TRAPPC13: variants seen among roughly 807,000 people sequenced by gnomAD.
TRAPPC13 encodes REV7-interacting novel NHEJ regulator 1.
Under a neutral mutation model 54.0 loss-of-function variants are expected in TRAPPC13, and 39 were observed. That is an observed-to-expected ratio of 0.72 (90% CI 0.56 to 0.94). The LOEUF is 0.94. TRAPPC13 is among the 40% of genes least tolerant of loss of function. TRAPPC13 has a pLI of 0.00. For synonymous variants in TRAPPC13, 148 were observed against 167.7 expected (o/e 0.88, Z 0.91); for missense variants, 386 against 488.1 (o/e 0.79, Z 1.97).
At chr5:65,638,458 G>T (rs1396082976) in intron 4 of TRAPPC13, among the ~76,000 whole-genome samples, 1 of 152,186 alleles carries the variant, frequency 6.6e-6, no homozygotes. Context: ...GAAAGAATGG[G>T]AGGATACAGA....
rs192583094 is a variant in TRAPPC13 at position 65,629,810 on chromosome 5, T to A, written c.46+4704T>A. Reference sequence around the variant, plus strand: ...AGATGTGAAACAGTACTTAACCATTTCAGAACATGATGCTAAGTCACACAG... The same window carrying A: ...AGATGTGAAACAGTACTTAACCATTACAGAACATGATGCTAAGTCACACAG... On this transcript the variant is annotated intron_variant, in intron 1 of 12. Coordinates refer to ENST00000399438, the MANE Select transcript of TRAPPC13 (RefSeq NM_024941.4). 5.2e-6 allele frequency: 8 copies of A among 1,536,084 alleles called. No homozygotes were observed. The Admixed American group carries it at 1.2e-4, about 23-fold the overall frequency.
In TRAPPC13 at chr5:65,635,972, T is replaced by G. The variant is rs1364813541; in HGVS notation, c.144T>G (p.Asp48Glu). 2 of 1,599,728 alleles carry G rather than the reference T, an allele frequency of 1.3e-6. No individual in the cohort carries two copies. Among genetic ancestry groups the G allele is most frequent in the Admixed American group, 3.4e-5 (2 of 58,104 alleles). The change falls in exon 3 of 13, where the codon GAT becomes GAG. Residue 48 changes from aspartate to glutamate, a missense_variant. Coordinates refer to ENST00000399438, the MANE Select transcript of TRAPPC13 (RefSeq NM_024941.4). Reference sequence around the variant, plus strand: ...ATCTCTTTAACCAGCTGATGAGAGATGATCCTTCAACCGTTAATGGTGCAG... The same window carrying G: ...ATCTCTTTAACCAGCTGATGAGAGAGGATCCTTCAACCGTTAATGGTGCAG... ...PGDLFNQLMRDDPSTVNGAEV... is the reference protein window; with the variant it reads ...PGDLFNQLMREDPSTVNGAEV...
chr5:65,657,196 A>G (rs144743790), intron 8 of TRAPPC13, among the ~76,000 whole-genome samples: 4,975 of 151,972 alleles, frequency 0.033, 260 homozygotes, highest in African/African-American at 0.11. Flanking sequence ...AGCCTGGCCA[A>G]CATGGTGAAA....
At chr5:65,657,219 T>C (rs2150689498) in intron 8 of TRAPPC13, among the ~76,000 whole-genome samples, 1 of 151,226 alleles carries the variant, frequency 6.6e-6, no homozygotes, top group African/African-American at 2.4e-5. Context: ...CTGTCTCTAC[T>C]AAAAATACAA....
intron 9 of TRAPPC13, among the ~76,000 whole-genome samples, chr5:65,659,530 A>G (rs1756771369): frequency 1.3e-5 from 2 of 152,234 alleles, no homozygotes; most frequent in South Asian, 4.1e-4. Flanking sequence ...AAAAAGAGTA[A>G]GGGTGAATGT....
chr5:65,656,661 A>C (rs1314233615), intron 8 of TRAPPC13, among the ~76,000 whole-genome samples: 7 of 152,142 alleles, frequency 4.6e-5, no homozygotes. Context: ...TAATCTCAGC[A>C]CTTTGGGAGG....
rs762929434 is a variant in TRAPPC13 at position 65,651,842 on chromosome 5, G to GTTTTTTTTTTTT, written c.502-632_502-621dup. ...TTGAAAGAAAATAAAACGTGATTCA[G>GTTTTTTTTTTTT]TTTTTTTTTTTTTTTTTTTTTTTTT... is the stretch of plus-strand genomic sequence containing the variant. On this transcript the variant is annotated intron_variant, in intron 6 of 12. Coordinates refer to ENST00000399438, the MANE Select transcript of TRAPPC13 (RefSeq NM_024941.4). Among the ~76,000 whole-genome samples, 13 of 41,162 alleles carry GTTTTTTTTTTTT rather than the reference G, an allele frequency of 3.2e-4. 2 individuals carry two copies. The highest frequency in any genetic ancestry group is 9.3e-4 in the African/African-American group (10 of 10,806). The allele number at this position is 41,162 out of a possible 152,430, so 27.0% of individuals were successfully genotyped here.
rs142968764 is a variant in TRAPPC13, at chr5:65,657,422, A to C, written c.565-946A>C. On this transcript the variant is annotated intron_variant, in intron 8 of 12. Transcript: ENST00000399438. ...TTAAGTGGCAAATTTTTCTGGTCAT[A>C]GTTGATTTTATGTTATTTATGTGTA... Among the ~76,000 whole-genome samples, 7 of 152,286 alleles carry C rather than the reference A, an allele frequency of 4.6e-5. No homozygotes were observed. In the East Asian group the frequency reaches 1.4e-3, roughly 29 times the overall value.
chr5:65,644,386 T>C (rs1472805693), intron 4 of TRAPPC13, among the ~76,000 whole-genome samples: 1 of 152,188 alleles, frequency 6.6e-6, no homozygotes, highest in East Asian at 1.9e-4. Context: ...TCTTGAGCTT[T>C]CACACTTGTG....
At chr5:65,632,119 G>C (rs1025079992) in intron 1 of TRAPPC13, among the ~76,000 whole-genome samples, 2 of 151,758 alleles carry the variant, frequency 1.3e-5, no homozygotes, top group Admixed American at 1.3e-4. Flanking sequence ...GGTGGCATGC[G>C]ACAGTAGTCG....
At chr5:65,658,292 TAGATA>T (rs1489324382) in intron 8 of TRAPPC13, 71 bp from the exon 9 acceptor site, 5 of 1,393,998 alleles carry the variant, frequency 3.6e-6, no homozygotes, top group African/African-American at 3.0e-5. Context: ...TTTCTTCATA[TAGATA>T]AGATATTTTT....
chr5:65,648,134 C>T (rs1409237659), intron 5 of TRAPPC13, among the ~76,000 whole-genome samples: 1 of 152,180 alleles, frequency 6.6e-6, no homozygotes, highest in Non-Finnish European at 1.5e-5. Flanking sequence ...CCACCCATCC[C>T]TCCCTCTCCA....
Position 65,635,408 on chromosome 5 carries a change from G to C in TRAPPC13, c.115+39G>C, listed in dbSNP as rs1397008760. ...TTTCCTCTATTTGCACCTAGGGAAA[G>C]GTTGAAACCTGAATTGCCTGCATTA... On this transcript the variant is annotated intron_variant, in intron 2 of 12. Transcript: ENST00000399438. 2.6e-6 allele frequency: 4 copies of C among 1,547,322 alleles called. No homozygotes were observed. The African/African-American group carries it at 5.4e-5, about 21-fold the overall frequency.
At chr5:65,658,118 G>T (rs1756716049) in intron 8 of TRAPPC13, 2 of 318,946 alleles carry the variant, frequency 6.3e-6, no homozygotes, top group Non-Finnish European at 1.1e-5. Context: ...GGGATGTTAA[G>T]ACAAAATATA....
In TRAPPC13 at chr5:65,638,519, CAT is replaced by C. The variant is rs372024820; in HGVS notation, c.300+740_300+741del. On this transcript the variant is annotated intron_variant, in intron 4 of 12. Transcript: ENST00000399438. The stretch of plus-strand genomic sequence containing the variant: ...TCAGAGGCAGAGACATAGTGGTACA[CAT>C]GTGTTCTTTTAACAGTGAACAAATT... Among the ~76,000 whole-genome samples, 42 of 152,264 alleles carry C rather than the reference CAT, an allele frequency of 2.8e-4. No individual in the cohort carries two copies. In the South Asian group the frequency reaches 7.9e-3, roughly 29 times the overall value.
intron 11 of TRAPPC13, 178 bp from the exon 12 acceptor site, chr5:65,664,054 CTTCCT>C (rs1756937193): frequency 1.5e-5 from 9 of 615,586 alleles, no homozygotes; most frequent in Non-Finnish European, 2.5e-5. Context: ...GAAGGTGTGA[CTTCCT>C]TTCATCTTCC....
chr5:65,635,713 A>G (rs1755720859), intron 2 of TRAPPC13, among the ~76,000 whole-genome samples: 1 of 151,424 alleles, frequency 6.6e-6, no homozygotes, highest in Non-Finnish European at 1.5e-5. Flanking sequence ...TCTCTAGTAT[A>G]TTTTCTATCT....
At chr5:65,639,379 G>A (rs779997305) in intron 4 of TRAPPC13, among the ~76,000 whole-genome samples, 1 of 151,990 alleles carries the variant, frequency 6.6e-6, no homozygotes, top group Non-Finnish European at 1.5e-5. Context: ...AAAAAAACAG[G>A]CCTGGCACAG....
chr5:65,658,755 G>C (rs1756744959), intron 9 of TRAPPC13, among the ~76,000 whole-genome samples: 2 of 151,052 alleles, frequency 1.3e-5, no homozygotes, highest in Admixed American at 1.3e-4. Context: ...TTTTGAAAGA[G>C]TCCAGCTCTA....
Sources: gnomAD v4.1 joint callset for allele counts (sites outside exome capture counted in the v4.1 genomes callset) on GRCh38, gnomAD v4.1.1 for gene constraint, MANE v1.5 for transcripts, NCBI Gene and HGNC (gene_info 2026-07-23, HGNC 2026-07-21) for gene names.